VPS13D: variants seen among roughly 807,000 people sequenced by gnomAD.
VPS13D encodes intermembrane lipid transfer protein VPS13D.
Under a neutral mutation model 461.9 loss-of-function variants are expected in VPS13D, and 187 were observed. That is an observed-to-expected ratio of 0.40 (90% CI 0.36 to 0.46). VPS13D has a LOEUF of 0.46. Among genes scored for constraint, VPS13D ranks in the 20% least tolerant of loss-of-function variants. The pLI is 0.60. For missense variants in VPS13D, 4,711 were observed against 5,364.9 expected (o/e 0.88, Z 3.81); for synonymous variants, 1,951 against 1,986.3 (o/e 0.98, Z 0.47).
At chr1:12,363,383 G>A in intron 52 of VPS13D, 136 bp downstream of exon 52, 1 of 880,010 alleles carries the variant, frequency 1.1e-6, no homozygotes, top group Non-Finnish European at 1.7e-6. Context: ...AAAGTCCAGG[G>A]AAGTGTGAGG....
intron 59 of VPS13D, 43 bp from the exon 60 acceptor site, chr1:12,386,140 CTG>C (rs773844489): frequency 1.3e-6 from 2 of 1,575,272 alleles, no homozygotes; most frequent in African/African-American, 2.7e-5. Context: ...ATACTGTGAG[CTG>C]TGTTTAAAAC....
At chr1:12,291,214 T>G (rs551551231) in intron 23 of VPS13D, 90 bp downstream of exon 23, 8 of 1,438,244 alleles carry the variant, frequency 5.6e-6, no homozygotes, top group Non-Finnish European at 7.5e-6. Context: ...AGAAAACTTT[T>G]AAAAATTTTT....
chr1:12,419,663 A>T (rs1299901336), intron 65 of VPS13D, among the ~76,000 whole-genome samples: 2 of 152,180 alleles, frequency 1.3e-5, no homozygotes. Flanking sequence ...AGGGGATGGT[A>T]CTAATCCATT....
intron 31 of VPS13D, among the ~76,000 whole-genome samples, chr1:12,318,708 C>T (rs1486059248): frequency 6.6e-6 from 1 of 152,176 alleles, no homozygotes; most frequent in Non-Finnish European, 1.5e-5. Context: ...ATGTGAAAAC[C>T]TCAGTTTTGA....
intron 65 of VPS13D, among the ~76,000 whole-genome samples, chr1:12,444,199 T>A (rs1192143124): frequency 6.6e-6 from 1 of 152,226 alleles, no homozygotes; most frequent in Non-Finnish European, 1.5e-5. Flanking sequence ...ATGTTTATTC[T>A]TTCAGTCTTT....
intron 65 of VPS13D, among the ~76,000 whole-genome samples, chr1:12,441,357 A>T (rs1177069373): frequency 3.9e-5 from 6 of 152,138 alleles, no homozygotes; most frequent in Non-Finnish European, 8.8e-5. Flanking sequence ...GGGGCGGGGG[A>T]CAGGGTACAA....
At chr1:12,370,687 T>C (rs1248515835) in intron 54 of VPS13D, among the ~76,000 whole-genome samples, 1 of 152,228 alleles carries the variant, frequency 6.6e-6, no homozygotes, top group Non-Finnish European at 1.5e-5. Context: ...TGTTTGTTTG[T>C]TGTTAATTTG....
Position 12,369,590 on chromosome 1 carries a change from G to C in VPS13D, c.10696G>C (p.Val3566Leu). The C allele has an allele frequency of 6.2e-7, 1 of 1,614,164 alleles. No homozygotes were observed. The highest frequency in any genetic ancestry group is 1.1e-5 in the South Asian group (1 of 91,088). The change falls in exon 54 of 70, where the codon GTT becomes CTT. Residue 3566 changes from valine (V) to leucine (L), a missense_variant. Around this residue, in one of 3 missense-constraint regions of VPS13D, gnomAD observed 4,411 missense variants for 4,937.8 expected, o/e 0.89. Coordinates refer to ENST00000620676, the MANE Select transcript of VPS13D (RefSeq NM_015378.4). ...CTTGCCACCTTTTATCACTCTGACT[G>C]TTAAAGGGGCAGGGTCCTCTGAGAT... is the stretch of plus-strand genomic sequence containing the variant. ...PTLPPFITLT[V>L]KGAGSSEINC...
chr1:12,326,256 C>G (rs1465473778), intron 35 of VPS13D, among the ~76,000 whole-genome samples: 3 of 109,546 alleles, frequency 2.7e-5, no homozygotes, highest in African/African-American at 4.0e-5. Context: ...ATGCTTTTTA[C>G]TCTTTCTTTA....
At chr1:12,360,891 C>A (rs925353860) in intron 50 of VPS13D, among the ~76,000 whole-genome samples, 1 of 152,112 alleles carries the variant, frequency 6.6e-6, no homozygotes, top group Non-Finnish European at 1.5e-5. Context: ...TTGTCAAATG[C>A]TAAGGTGGAG....
At chr1:12,378,320 C>G in intron 55 of VPS13D, 108 bp from the exon 56 acceptor site, 1 of 1,010,966 alleles carries the variant, frequency 9.9e-7, no homozygotes, top group Non-Finnish European at 1.3e-6. Flanking sequence ...TCTAAATAAA[C>G]TTCCTATATG....
chr1:12,461,569 G>A (rs1229641236), intron 67 of VPS13D, among the ~76,000 whole-genome samples: 2 of 152,176 alleles, frequency 1.3e-5, no homozygotes, highest in Non-Finnish European at 2.9e-5. Flanking sequence ...GGGAGGGGCA[G>A]GCAGTGAGGA....
In VPS13D at chr1:12,276,497, G is replaced by A. The variant is rs748544447; in HGVS notation, c.2909G>A (p.Ser970Asn). 1 of 1,614,196 alleles carries A rather than the reference G, an allele frequency of 6.2e-7. No individual in the cohort carries two copies. Among genetic ancestry groups the A allele is most frequent in the South Asian group, 1.1e-5 (1 of 91,074 alleles). The change falls in exon 19 of 70, where the codon AGC becomes AAC. Residue 970 changes from serine to asparagine, a missense_variant. Coordinates refer to ENST00000620676, the MANE Select transcript of VPS13D (RefSeq NM_015378.4). The surrounding 1 kb of genome is among the most constrained non-coding windows in gnomAD (Gnocchi z 4.5). ...KVNCMQLGVESNGRYISVLKV... is the reference protein window; with the variant it reads ...KVNCMQLGVENNGRYISVLKV... Reference sequence around the variant, plus strand: ...AACTGTATGCAGCTTGGTGTTGAGAGCAATGGCCGGTACATTTCTGTGCTC... The same window carrying A: ...AACTGTATGCAGCTTGGTGTTGAGAACAATGGCCGGTACATTTCTGTGCTC...
intron 65 of VPS13D, among the ~76,000 whole-genome samples, chr1:12,419,971 T>C (rs1644842748): frequency 6.6e-6 from 1 of 151,908 alleles, no homozygotes; most frequent in African/African-American, 2.4e-5. Flanking sequence ...AAAGGTAGAG[T>C]AAAAGTATGG....
intron 65 of VPS13D, among the ~76,000 whole-genome samples, chr1:12,446,142 C>T (rs1645189496): frequency 6.6e-6 from 1 of 152,184 alleles, no homozygotes; most frequent in Non-Finnish European, 1.5e-5. Context: ...ATCAGCTGGA[C>T]ATGGTGGCTC....
chr1:12,487,043 C>T (rs975357283), intron 67 of VPS13D, among the ~76,000 whole-genome samples: 6 of 152,162 alleles, frequency 3.9e-5, no homozygotes, highest in African/African-American at 1.4e-4. Context: ...TCACTGGCTC[C>T]CCTGAGACCC....
At chr1:12,395,023 C>A (rs1644476804) in intron 60 of VPS13D, among the ~76,000 whole-genome samples, 1 of 152,124 alleles carries the variant, frequency 6.6e-6, no homozygotes, top group Non-Finnish European at 1.5e-5. Context: ...GTGTAGTACA[C>A]CTCCTCGTGA....
At chr1:12,291,603 A>G (rs1372058451) in intron 23 of VPS13D, among the ~76,000 whole-genome samples, 1 of 152,114 alleles carries the variant, frequency 6.6e-6, no homozygotes, top group African/African-American at 2.4e-5. Flanking sequence ...AGCCTGGGTG[A>G]TGGAGGGGGG....
chr1:12,340,629 G>A (rs1643547892), intron 40 of VPS13D, among the ~76,000 whole-genome samples: 1 of 152,172 alleles, frequency 6.6e-6, no homozygotes, highest in South Asian at 2.1e-4. Context: ...ATTCAGTTTT[G>A]CCTTAGTGTT....
Sources: gnomAD v4.1 joint callset for allele counts (sites outside exome capture counted in the v4.1 genomes callset) on GRCh38, gnomAD v4.1.1 for gene constraint, gnomAD v4.1.1 regional missense constraint, Gnocchi (gnomAD v3.1) non-coding constraint, MANE v1.5 for transcripts, NCBI Gene and HGNC (gene_info 2026-07-23, HGNC 2026-07-21) for gene names.